Variants in ZNF644 observed in about 807,000 individuals in gnomAD.
ZNF644 encodes zinc finger motif enhancer binding protein 2.
ZNF644 carries 20 observed loss-of-function variants against 108.0 expected under a neutral mutation model. The ratio of observed to expected loss-of-function variants is 0.19; its 90% CI spans 0.13 to 0.27. The LOEUF is 0.27. Ranked by LOEUF, ZNF644 falls within the 10% of genes least tolerant of loss-of-function variation. ZNF644 has a pLI of 1.00. For synonymous variants in ZNF644, 542 were observed against 539.1 expected, an observed-to-expected ratio of 1.01 and a Z score of -0.08; for missense variants, 1,338 against 1,548.9, an observed-to-expected ratio of 0.86 and a Z score of 2.29.
Position 90,916,693 on chromosome 1 carries a change from T to C in ZNF644, c.*105A>G. ...TCACTGTAATTCACTTTCCCCCCAT[T>C]TTCCTGCTTTAGTATTTATAAACAG... On this transcript the variant is annotated 3_prime_UTR_variant, in exon 6 of 6. Transcript: ENST00000337393. The C allele has an allele frequency of 7.8e-7, 1 of 1,277,564 alleles. No homozygotes were observed. Among genetic ancestry groups the C allele is most frequent in the Non-Finnish European group, 1.1e-6 (1 of 897,272 alleles). The allele number at this position is 1,277,564 out of a possible 1,614,324, so 79.1% of individuals were successfully genotyped here.
intron 1 of ZNF644, chr1:91,020,516 C>T (rs1433796621): frequency 6.6e-6 from 1 of 152,186 alleles, no homozygotes; most frequent in African/African-American, 2.4e-5. Flanking sequence ...ACTAATCAAG[C>T]TTTATGCTTC....
chr1:90,950,308 A>AGGGCAGGGCAGGG (rs1557588325), intron 2 of ZNF644, among the ~76,000 whole-genome samples: 63 of 78,766 alleles, frequency 8.0e-4, no homozygotes, highest in East Asian at 2.2e-3. Flanking sequence ...AGGGGAGGGG[A>AGGGCAGGGCAGGG]CAAAAGAAAA....
chr1:90,956,423 G>C (rs1346455491), intron 2 of ZNF644, among the ~76,000 whole-genome samples: 1 of 152,192 alleles, frequency 6.6e-6, no homozygotes, highest in African/African-American at 2.4e-5. Flanking sequence ...GTATGCCAGT[G>C]TAAGTTTATC....
At chr1:90,995,184 A>T (rs1295030861) in intron 1 of ZNF644, among the ~76,000 whole-genome samples, 1 of 152,154 alleles carries the variant, frequency 6.6e-6, no homozygotes, top group African/African-American at 2.4e-5. Flanking sequence ...ATTAAAAGAA[A>T]TTATGTTCAA....
intron 4 of ZNF644, among the ~76,000 whole-genome samples, chr1:90,928,790 C>A (rs1294466959): frequency 6.6e-6 from 1 of 152,118 alleles, no homozygotes; most frequent in East Asian, 1.9e-4. Flanking sequence ...CAAATTTCAT[C>A]CCTTTGTGTC....
intron 1 of ZNF644, among the ~76,000 whole-genome samples, chr1:91,019,225 A>C (rs1660674181): frequency 6.6e-6 from 1 of 152,212 alleles, no homozygotes. Context: ...AGTAGTCTTA[A>C]AAAGTTGTTT....
intron 1 of ZNF644, among the ~76,000 whole-genome samples, chr1:91,019,561 A>G (rs532502097): frequency 1.1e-4 from 16 of 152,160 alleles, no homozygotes; most frequent in Non-Finnish European, 2.4e-4. Context: ...TAACCACAGA[A>G]TATGAAAGTT....
chr1:90,953,722 C>G (rs1196497487), intron 2 of ZNF644, among the ~76,000 whole-genome samples: 1 of 151,938 alleles, frequency 6.6e-6, no homozygotes, highest in Non-Finnish European at 1.5e-5. Flanking sequence ...CAAGACCAGC[C>G]TGGCCAACAT....
chr1:90,950,302 G>GAGGGGAGGGC (rs1557588257), intron 2 of ZNF644, among the ~76,000 whole-genome samples: 3 of 35,182 alleles, frequency 8.5e-5, no homozygotes, highest in Non-Finnish European at 1.8e-4. Flanking sequence ...AAGGGGAGGG[G>GAGGGGAGGGC]AGGGGACAAA....
At chr1:90,932,322 T>A (rs1311637415) in intron 4 of ZNF644, among the ~76,000 whole-genome samples, 2 of 152,028 alleles carry the variant, frequency 1.3e-5, no homozygotes, top group East Asian at 3.9e-4. Context: ...TATTCAAGAG[T>A]GGACCACACA....
intron 1 of ZNF644, among the ~76,000 whole-genome samples, chr1:90,996,779 C>T (rs964147845): frequency 7.9e-5 from 12 of 152,124 alleles, no homozygotes; most frequent in Admixed American, 5.9e-4. Context: ...GGCCCCACTG[C>T]TTTATAACTA....
intron 1 of ZNF644, among the ~76,000 whole-genome samples, chr1:90,994,044 TAGCACAGTAA>T (rs1657889472): frequency 6.6e-6 from 1 of 152,224 alleles, no homozygotes; most frequent in Admixed American, 6.5e-5. Context: ...CCTGTTCTCC[TAGCACAGTAA>T]TTTGTTCATG....
At chr1:90,917,557 G>A (rs900022147) in intron 5 of ZNF644, among the ~76,000 whole-genome samples, 9 of 152,120 alleles carry the variant, frequency 5.9e-5, no homozygotes, top group African/African-American at 1.9e-4. Context: ...GAGTGCAGTG[G>A]CACGATCTCG....
intron 2 of ZNF644, among the ~76,000 whole-genome samples, chr1:90,969,018 G>C (rs980184037): frequency 6.6e-6 from 1 of 152,146 alleles, no homozygotes; most frequent in African/African-American, 2.4e-5. Context: ...AGCAGCATCT[G>C]ATAATTCCAA....
chr1:90,983,336 G>A (rs1345216441), intron 1 of ZNF644, among the ~76,000 whole-genome samples: 2 of 151,822 alleles, frequency 1.3e-5, no homozygotes, highest in African/African-American at 4.8e-5. Flanking sequence ...GTGGACATGG[G>A]GGCCTGTTAA....
At chr1:90,969,538 T>C (rs77417578) in intron 2 of ZNF644, among the ~76,000 whole-genome samples, 18,440 of 152,190 alleles carry the variant, frequency 0.12, 1,146 homozygotes, top group South Asian at 0.16. Context: ...CAGTTCTGTG[T>C]AGTGTGATGT....
intron 1 of ZNF644, among the ~76,000 whole-genome samples, chr1:90,993,879 G>C (rs1286095157): frequency 6.6e-6 from 1 of 152,144 alleles, no homozygotes; most frequent in Non-Finnish European, 1.5e-5. Context: ...AACTGTTATA[G>C]AGCAATCTTC....
In ZNF644 at chr1:91,001,359, T is replaced by G. The variant is rs1395499689; in HGVS notation, c.-17-18989A>C. Among the ~76,000 whole-genome samples, 3 of 152,310 alleles carry G rather than the reference T, an allele frequency of 2.0e-5. No individual in the cohort carries two copies. In the East Asian group the frequency reaches 5.8e-4, roughly 29 times the overall value. On this transcript the variant is annotated intron_variant, in intron 1 of 5. Coordinates refer to ENST00000337393, the MANE Select transcript of ZNF644 (RefSeq NM_201269.3). ...ACCATGATCAAGTGGGCTTCATCCC[T>G]GGGATGCAAGGCTGGTTCAACGTAC...
chr1:91,000,952 C>G (rs1658713769), intron 1 of ZNF644, among the ~76,000 whole-genome samples: 1 of 152,146 alleles, frequency 6.6e-6, no homozygotes, highest in Non-Finnish European at 1.5e-5. Context: ...GGATAAATTC[C>G]TGGACACATA....
Sources: allele counts gnomAD v4.1 joint callset (sites outside exome capture counted in the v4.1 genomes callset), GRCh38; gene constraint gnomAD v4.1.1; transcripts MANE v1.5; gene names NCBI Gene and HGNC (gene_info 2026-07-23, HGNC 2026-07-21).